The following TMEM72 variants were observed in gnomAD, a reference collection of about 807,000 sequenced individuals.
TMEM72 encodes the protein transmembrane protein 72.
A neutral mutation model predicts 16.3 loss-of-function variants in TMEM72; 9 were observed. That is an observed-to-expected ratio of 0.55 (90% CI 0.33 to 0.96). TMEM72 has a LOEUF of 0.96. Among genes scored for constraint, TMEM72 ranks in the 40% least tolerant of loss-of-function variants. The probability of loss-of-function intolerance (pLI) is 0.03; values close to 1 mark genes in which losing one functional copy is unlikely to be tolerated. For missense variants in TMEM72, 324 were observed against 337.8 expected (o/e 0.96, Z 0.32); for synonymous variants, 160 against 146.5 (o/e 1.09, Z -0.66).
In TMEM72 at chr10:44,936,553, T is replaced by C. The variant is rs1840404199; in HGVS notation, c.*1419T>C. 1 of 152,214 alleles carries C rather than the reference T, an allele frequency of 6.6e-6. No individual in the cohort carries two copies. The highest frequency in any genetic ancestry group is 6.5e-5 in the Admixed American group (1 of 15,284). 9.4% of individuals were successfully genotyped at this position (152,214 alleles called of 1,614,324 possible). ...CTGCAGTAGCCCAGGTCTCACCAAA[T>C]GACAAATGGCTAATCAAGACACTCC... On this transcript the variant is annotated 3_prime_UTR_variant, in exon 5 of 5. Coordinates refer to ENST00000389583, the MANE Select transcript of TMEM72 (RefSeq NM_001123376.3).
At position 44,933,770 on chromosome 10, in the gene TMEM72, A is replaced by T. The variant is rs764311300; in HGVS notation, c.343A>T (p.Ile115Phe). 1.4e-5 allele frequency: 22 copies of T among 1,613,644 alleles called. No homozygotes were observed. The highest frequency in any genetic ancestry group is 1.7e-5 in the Non-Finnish European group (20 of 1,179,718). ...CCCGGTCCTGGTCTGGCACGTGACC[A>T]TCCCAGGTAAGAGCACAGGGGTAGA... ...LHPVLVWHVTIPGSMLIITGL... is the reference protein window; with the variant it reads ...LHPVLVWHVTFPGSMLIITGL... The change falls in exon 4 of 5, where the codon ATC becomes TTC. Residue 115 changes from isoleucine to phenylalanine, a missense_variant. By Grantham distance (21) the Ile-to-Phe change is conservative. Coordinates refer to ENST00000389583, the MANE Select transcript of TMEM72 (RefSeq NM_001123376.3).
intron 2 of TMEM72, among the ~76,000 whole-genome samples, chr10:44,931,130 A>G (rs1040732571): frequency 5.3e-5 from 8 of 152,214 alleles, no homozygotes; most frequent in Non-Finnish European, 1.2e-4. Flanking sequence ...AGGTCACCAG[A>G]CAGACTGGAG....
intron 1 of TMEM72, among the ~76,000 whole-genome samples, chr10:44,915,547 A>G (rs1316377782): frequency 2.6e-5 from 4 of 152,128 alleles, no homozygotes; most frequent in African/African-American, 9.7e-5. Flanking sequence ...CTGAATCAGG[A>G]TTAAAAAGCA....
At chr10:44,917,639 C>A (rs1438618076) in intron 1 of TMEM72, among the ~76,000 whole-genome samples, 1 of 151,962 alleles carries the variant, frequency 6.6e-6, no homozygotes, top group East Asian at 1.9e-4. Flanking sequence ...GGGCTGTGAA[C>A]AAAAAGAAAT....
At position 44,934,868 on chromosome 10, in the gene TMEM72, A is replaced by G; in HGVS notation, c.562A>G (p.Ser188Gly). Residue 188 changes from serine to glycine, a missense_variant, in exon 5 of 5, where the codon AGT becomes GGT. Transcript: ENST00000389583. The part of the protein sequence containing the change: ...GPSSLFIHMK[S>G]ILKGTKKPSA... ...CAGCTCCCTTTTCATCCACATGAAGAGTATCCTGAAGGGGACTAAGAAGCC... is the reference window on the plus strand; with the variant it reads ...CAGCTCCCTTTTCATCCACATGAAGGGTATCCTGAAGGGGACTAAGAAGCC... 6.2e-7 allele frequency: 1 copy of G among 1,613,526 alleles called. No individual in the cohort carries two copies. The highest frequency in any genetic ancestry group is 1.6e-4 in the Middle Eastern group (1 of 6,062).
intron 2 of TMEM72, among the ~76,000 whole-genome samples, chr10:44,928,304 A>G (rs1053004296): frequency 6.6e-6 from 1 of 151,522 alleles, no homozygotes; most frequent in East Asian, 1.9e-4. Context: ...TCATGCACCA[A>G]TCCACTCATC....
At chr10:44,923,690 C>T (rs776443167) in intron 1 of TMEM72, among the ~76,000 whole-genome samples, 6 of 152,186 alleles carry the variant, frequency 3.9e-5, no homozygotes, top group Non-Finnish European at 5.9e-5. Flanking sequence ...GCCCAGGAAG[C>T]TTCCAATCCC....
At chr10:44,932,141 A>G in intron 3 of TMEM72, 72 bp downstream of exon 3, 1 of 1,523,376 alleles carries the variant, frequency 6.6e-7, no homozygotes, top group South Asian at 1.2e-5. Flanking sequence ...TCCACCCAAG[A>G]GCCCACAACC....
intron 3 of TMEM72, among the ~76,000 whole-genome samples, chr10:44,932,857 A>G (rs1365640371): frequency 2.0e-5 from 3 of 152,156 alleles, no homozygotes; most frequent in Admixed American, 2.0e-4. Context: ...CACCACACAC[A>G]CGCAGGAATG....
rs769754414 is a variant in TMEM72, at chr10:44,933,654, T to C, written c.227T>C (p.Leu76Pro). ...CTCCCCAGGTGTCAACCAGGGTCCCTGGCAGACAGAGTAAGGGAGAAAGCC... is the reference window on the plus strand; with the variant it reads ...CTCCCCAGGTGTCAACCAGGGTCCCCGGCAGACAGAGTAAGGGAGAAAGCC... ...AICFQCQPGS[L>P]ADRVREKAHW... The change falls in exon 4 of 5, where the codon CTG becomes CCG. Residue 76 changes from leucine (L) to proline (P), a missense_variant. Coordinates refer to ENST00000389583, the MANE Select transcript of TMEM72 (RefSeq NM_001123376.3). 3.7e-5 allele frequency: 59 copies of C among 1,613,788 alleles called. 1 individual carries two copies. In the South Asian group the frequency reaches 5.9e-4, roughly 16 times the overall value.
At chr10:44,927,775 C>T in intron 1 of TMEM72, 146 bp from the exon 2 acceptor site, 1 of 782,032 alleles carries the variant, frequency 1.3e-6, no homozygotes, top group Non-Finnish European at 2.1e-6. Context: ...TTGCTAGTCA[C>T]AGCTGCCTGT....
At chr10:44,929,589 G>A (rs920688603) in intron 2 of TMEM72, among the ~76,000 whole-genome samples, 1 of 152,218 alleles carries the variant, frequency 6.6e-6, no homozygotes, top group East Asian at 1.9e-4. Context: ...CCATCTCCCA[G>A]ATGCGGTTCA....
chr10:44,932,157 A>G, intron 3 of TMEM72, 88 bp downstream of exon 3: 3 of 1,457,692 alleles, frequency 2.1e-6, no homozygotes, highest in Non-Finnish European at 2.8e-6. Flanking sequence ...CAACCAGGGG[A>G]TGTCCTGCTC....
intron 4 of TMEM72, among the ~76,000 whole-genome samples, chr10:44,934,327 TCTC>T (rs1274507148): frequency 2.0e-5 from 3 of 152,152 alleles, no homozygotes; most frequent in African/African-American, 4.8e-5. Context: ...CTAGTGTCCT[TCTC>T]CTCTCTGCTC....
intron 1 of TMEM72, among the ~76,000 whole-genome samples, chr10:44,914,245 C>T (rs1317684678): frequency 1.3e-5 from 2 of 152,216 alleles, no homozygotes; most frequent in African/African-American, 2.4e-5. Flanking sequence ...CGGATCATTG[C>T]CACCACCAAA....
At chr10:44,933,548 C>T in intron 3 of TMEM72, 89 bp from the exon 4 acceptor site, 1 of 1,520,402 alleles carries the variant, frequency 6.6e-7, no homozygotes. Flanking sequence ...AGCATGCCCA[C>T]AGCAGGGCCT....
intron 1 of TMEM72, among the ~76,000 whole-genome samples, chr10:44,924,568 T>G (rs1840155034): frequency 6.6e-6 from 1 of 152,198 alleles, no homozygotes; most frequent in African/African-American, 2.4e-5. Flanking sequence ...CAGAGCTGCC[T>G]GAACATTGAG....
In TMEM72 at chr10:44,934,656, G is replaced by C. The variant is rs755773091; in HGVS notation, c.350G>C (p.Gly117Ala). Residue 117 changes from glycine to alanine, a missense_variant and splice_region_variant, in exon 5 of 5, where the codon GGC (glycine) becomes GCC (alanine). Coordinates refer to ENST00000389583, the MANE Select transcript of TMEM72 (RefSeq NM_001123376.3). The part of the protein sequence containing the change: ...PVLVWHVTIP[G>A]SMLIITGLAY... ...GCCCTGACCTCTGGCTCTTTTCCAG[G>C]CTCCATGCTCATCATCACCGGCCTG... 1 of 1,564,540 alleles carries C rather than the reference G, an allele frequency of 6.4e-7. No homozygotes were observed. Among genetic ancestry groups the C allele is most frequent in the Admixed American group, 2.0e-5 (1 of 50,986 alleles).
Position 44,924,900 on chromosome 10 carries a change from G to A in TMEM72, c.71-3021G>A, listed in dbSNP as rs1007228217. ...AGGGAGCTTGTGGGAGTGACCTCAC[G>A]CCCCTTAGTACAAAGTGGCTGACTG... On this transcript the variant is annotated intron_variant, in intron 1 of 4. Transcript: ENST00000389583. Among the ~76,000 whole-genome samples the A allele has an allele frequency of 2.6e-5, 4 of 152,204 alleles. No individual in the cohort carries two copies. The East Asian group carries it at 5.8e-4, about 22-fold the overall frequency.
Sources: allele counts gnomAD v4.1 joint callset (sites outside exome capture counted in the v4.1 genomes callset), GRCh38; gene constraint gnomAD v4.1.1; transcripts MANE v1.5; gene names NCBI Gene and HGNC (gene_info 2026-07-23, HGNC 2026-07-21).